The following ZDHHC21 variants were observed in gnomAD, a reference collection of about 807,000 sequenced individuals.
ZDHHC21 encodes zDHHC palmitoyltransferase 21.
A neutral mutation model predicts 34.6 loss-of-function variants in ZDHHC21; 15 were observed. The ratio of observed to expected loss-of-function variants is 0.43; its 90% confidence interval spans 0.29 to 0.67. ZDHHC21 has a LOEUF of 0.67. ZDHHC21 is among the 30% of genes least tolerant of loss of function. The probability of loss-of-function intolerance (pLI) is 0.14; values close to 1 mark genes in which losing one functional copy is unlikely to be tolerated. For missense variants in ZDHHC21, 344 were observed against 327.7 expected (o/e 1.05, Z -0.38); for synonymous variants, 142 against 101.8 (o/e 1.40, Z -2.38).
chr9:14,592,718 T>C, the ZDHHC21 span, among the ~76,000 whole-genome samples: 1 of 152,288 alleles, frequency 6.6e-6, no homozygotes, highest in African/African-American at 2.4e-5. Flanking sequence ...GAATACATGT[T>C]CTTCTCAAGC....
the ZDHHC21 span, among the ~76,000 whole-genome samples, chr9:14,598,535 A>G: frequency 6.6e-6 from 1 of 152,306 alleles, no homozygotes; most frequent in East Asian, 1.9e-4. Context: ...AGGACACAAG[A>G]AACATGAAAA....
At chr9:14,603,552 G>A in the ZDHHC21 span, among the ~76,000 whole-genome samples, 34 of 152,102 alleles carry the variant, frequency 2.2e-4, no homozygotes, top group East Asian at 1.7e-3. Flanking sequence ...AAGCACAACC[G>A]TAACATGAAA....
the ZDHHC21 span, among the ~76,000 whole-genome samples, chr9:14,596,974 A>G: frequency 6.6e-6 from 1 of 152,038 alleles, no homozygotes; most frequent in African/African-American, 2.4e-5. Context: ...GCCAGGAGAA[A>G]CTTTCCAGTG....
chr9:14,693,019 G>C (rs1009931533), intron 1 of ZDHHC21, among the ~76,000 whole-genome samples: 2 of 151,836 alleles, frequency 1.3e-5, no homozygotes, highest in African/African-American at 2.4e-5. Context: ...CTCTGAAAAA[G>C]GCCAGGCCTG....
At chr9:14,619,724 T>C in intron 8 of ZDHHC21, 42 bp from the exon 9 acceptor site, 1 of 1,143,796 alleles carries the variant, frequency 8.7e-7, no homozygotes, top group Non-Finnish European at 1.2e-6. Context: ...AAGAAAGTTA[T>C]TAAGTCTTTA....
At chr9:14,639,041 A>G (rs1445356057) in intron 8 of ZDHHC21, among the ~76,000 whole-genome samples, 1 of 152,092 alleles carries the variant, frequency 6.6e-6, no homozygotes, top group Non-Finnish European at 1.5e-5. Context: ...AGTATATCAA[A>G]GGGATGCCTG....
the ZDHHC21 span, chr9:14,593,795 G>A: frequency 3.3e-5 from 5 of 152,586 alleles, no homozygotes; most frequent in Non-Finnish European, 7.3e-5. Flanking sequence ...CAAGAGAGAT[G>A]ACCCAGGATG....
chr9:14,597,386 A>G, the ZDHHC21 span, among the ~76,000 whole-genome samples: 1 of 152,118 alleles, frequency 6.6e-6, no homozygotes, highest in Non-Finnish European at 1.5e-5. Context: ...CCTACATCCC[A>G]GGGAATGGAC....
chr9:14,644,495 T>G (rs1367362029), intron 7 of ZDHHC21, among the ~76,000 whole-genome samples: 1 of 151,962 alleles, frequency 6.6e-6, no homozygotes, highest in East Asian at 1.9e-4. Context: ...TATAGTTGGT[T>G]GATTTTGTGT....
chr9:14,621,427 C>G (rs952712542), intron 8 of ZDHHC21, among the ~76,000 whole-genome samples: 1 of 152,000 alleles, frequency 6.6e-6, no homozygotes, highest in Non-Finnish European at 1.5e-5. Flanking sequence ...AGATTTCATA[C>G]AGAAAAAGCT....
chr9:14,656,455 T>C (rs1306771591), intron 7 of ZDHHC21, among the ~76,000 whole-genome samples: 2 of 151,878 alleles, frequency 1.3e-5, no homozygotes, highest in Non-Finnish European at 2.9e-5. Flanking sequence ...TGAGATAACA[T>C]ATAAACAAAA....
the ZDHHC21 span, among the ~76,000 whole-genome samples, chr9:14,599,934 G>A: frequency 6.6e-6 from 1 of 152,102 alleles, no homozygotes; most frequent in African/African-American, 2.4e-5. Context: ...ATGCAGAAAA[G>A]GCCTTAGATA....
chr9:14,621,150 C>T (rs771052035), intron 8 of ZDHHC21, among the ~76,000 whole-genome samples: 19 of 151,432 alleles, frequency 1.3e-4, no homozygotes, highest in Admixed American at 2.6e-4. Context: ...CACAAAAGTA[C>T]GAAGAAAAAG....
At chr9:14,625,264 T>C (rs1826009995) in intron 8 of ZDHHC21, among the ~76,000 whole-genome samples, 1 of 152,066 alleles carries the variant, frequency 6.6e-6, no homozygotes, top group Non-Finnish European at 1.5e-5. Context: ...CTTAGCTCTG[T>C]CTTCCTTCTA....
At position 14,616,491 on chromosome 9, in the gene ZDHHC21, T is replaced by C. The variant is rs528482173; in HGVS notation, c.*2475A>G. ...TCCTCCTAAGTTTGTACTTTTGATA[T>C]GTTCAGAATGTGGCTATACTATTTA... On this transcript the variant is annotated 3_prime_UTR_variant, in exon 10 of 10. Transcript: ENST00000380916. The C allele has an allele frequency of 1.8e-3, 267 of 151,904 alleles. 2 individuals are homozygous for C. The highest frequency in any genetic ancestry group is 6.1e-3 in the African/African-American group (254 of 41,514). The allele number at this position is 151,904 out of a possible 1,614,324, so 9.4% of individuals were successfully genotyped here. A position where few individuals can be genotyped will look rare whatever the true frequency, so the allele number is the denominator to read the frequency against.
chr9:14,649,718 G>A (rs1012793951), intron 7 of ZDHHC21, among the ~76,000 whole-genome samples: 1 of 152,018 alleles, frequency 6.6e-6, no homozygotes, highest in Non-Finnish European at 1.5e-5. Context: ...GTATGCAATT[G>A]TCTTACAGAG....
At chr9:14,627,628 G>A (rs1323590452) in intron 8 of ZDHHC21, among the ~76,000 whole-genome samples, 1 of 152,020 alleles carries the variant, frequency 6.6e-6, no homozygotes, top group African/African-American at 2.4e-5. Context: ...ACAGAGCCCA[G>A]AAAACAAAAA....
downstream of ZDHHC21, among the ~76,000 whole-genome samples, chr9:14,610,199 G>A (rs1478596311): frequency 1.3e-5 from 2 of 151,682 alleles, no homozygotes; most frequent in Non-Finnish European, 2.9e-5. Context: ...AAAATTCTTT[G>A]GGGCCTGCAG....
chr9:14,679,789 T>A (rs1014544644), intron 3 of ZDHHC21, among the ~76,000 whole-genome samples: 2 of 152,182 alleles, frequency 1.3e-5, no homozygotes. Context: ...TAAAGCCATA[T>A]AAGACTTACG....
Sources: allele counts gnomAD v4.1 joint callset (sites outside exome capture counted in the v4.1 genomes callset), GRCh38; gene constraint gnomAD v4.1.1; transcripts MANE v1.5; gene names NCBI Gene and HGNC (gene_info 2026-07-23, HGNC 2026-07-21).